Variants in XRRA1 observed in about 807,000 individuals in gnomAD.
The protein encoded by XRRA1 is X-ray radiation resistance-associated protein 1.
In XRRA1, 69 loss-of-function variants were observed where a neutral mutation model predicts 80.2. The observed-to-expected ratio is 0.86, with a 90% confidence interval of 0.71 to 1.05. XRRA1 has a LOEUF of 1.05. XRRA1 is among the 50% of genes least tolerant of loss of function. The probability of loss-of-function intolerance (pLI) is 0.00; values close to 1 mark genes in which losing one functional copy is unlikely to be tolerated. For missense variants in XRRA1, 967 were observed against 976.4 expected (o/e 0.99, Z 0.13); for synonymous variants, 348 against 389.9 (o/e 0.89, Z 1.27).
At chr11:74,844,660 G>T (rs1389326098) in intron 16 of XRRA1, among the ~76,000 whole-genome samples, 2 of 152,218 alleles carry the variant, frequency 1.3e-5, no homozygotes, top group Non-Finnish European at 2.9e-5. Flanking sequence ...ACACAGAGAT[G>T]AAGCTGCCTC....
At position 74,843,012 on chromosome 11, in the gene XRRA1, GGTCAT is replaced by G; in HGVS notation, c.*183_*187del. ...TTTATTGCCGCTGGGCCAGGCACCAGGTCATGCCTGGGCCAAGGAGGGGAGATCCT... is the reference window on the plus strand; with the variant it reads ...TTTATTGCCGCTGGGCCAGGCACCAGGCCTGGGCCAAGGAGGGGAGATCCT... On this transcript the variant is annotated 3_prime_UTR_variant, in exon 19 of 19. Transcript: ENST00000684022. 1.4e-6 allele frequency: 1 copy of G among 740,032 alleles called. No individual in the cohort carries two copies. The highest frequency in any genetic ancestry group is 2.7e-5 in the East Asian group (1 of 36,554). 45.8% of individuals were successfully genotyped at this position (740,032 alleles called of 1,614,324 possible).
At position 74,943,524 on chromosome 11, in the gene XRRA1, G is replaced by GGGGT. The variant is rs1330173160; in HGVS notation, c.-5+1493_-5+1494insACCC. ...GGAGGCGAGGGGAAGAGAGTAGGAGGGTGTGTGTGTGTGTGTGTGTGTGTG... is the reference window on the plus strand; with the variant it reads ...GGAGGCGAGGGGAAGAGAGTAGGAGGGGGTGTGTGTGTGTGTGTGTGTGTGTGTG... On this transcript the variant is annotated intron_variant, in intron 2 of 18. Coordinates refer to ENST00000684022, the MANE Select transcript of XRRA1 (RefSeq NM_001378157.1). Among the ~76,000 whole-genome samples, 422 of 137,852 alleles carry GGGGT rather than the reference G, an allele frequency of 3.1e-3. 6 individuals carry two copies. Among genetic ancestry groups the GGGGT allele is most frequent in the African/African-American group, 0.011 (403 of 37,370 alleles). The allele number at this position is 137,852 out of a possible 152,430, so 90.4% of individuals were successfully genotyped here. A position where few individuals can be genotyped will look rare whatever the true frequency, so the allele number is the denominator to read the frequency against.
At chr11:74,847,918 A>C (rs1473398559) in intron 15 of XRRA1, among the ~76,000 whole-genome samples, 197 bp downstream of exon 15, 2 of 152,206 alleles carry the variant, frequency 1.3e-5, no homozygotes, top group African/African-American at 4.8e-5. Flanking sequence ...TGTCCCTATC[A>C]GGTATCCCTA....
intron 5 of XRRA1, 118 bp downstream of exon 5, chr11:74,933,683 T>C: frequency 3.6e-6 from 3 of 837,212 alleles, no homozygotes; most frequent in Non-Finnish European, 1.9e-6. Flanking sequence ...CCCTCCTTCT[T>C]CGTGACCAGA....
chr11:74,847,273 TA>T (rs1216717047), intron 15 of XRRA1, among the ~76,000 whole-genome samples: 1 of 152,176 alleles, frequency 6.6e-6, no homozygotes, highest in Non-Finnish European at 1.5e-5. Context: ...CATGAATGGA[TA>T]GATGTACATC....
At position 74,862,961 on chromosome 11, in the gene XRRA1, ATAAAG is replaced by A. The variant is rs1474220560; in HGVS notation, c.1044+15_1044+19del. ...AATGTTCTAACTCAGGAACACAAATATAAAGTAGTCAGTTCCTACCTCTGAGGTTG... is the reference window on the plus strand; with the variant it reads ...AATGTTCTAACTCAGGAACACAAATATAGTCAGTTCCTACCTCTGAGGTTG... On this transcript the variant is annotated intron_variant, in intron 11 of 18. Transcript: ENST00000684022. 14 of 1,573,766 alleles carry A rather than the reference ATAAAG, an allele frequency of 8.9e-6. No individual in the cohort carries two copies. Among genetic ancestry groups the A allele is most frequent in the East Asian group, 6.8e-5 (3 of 44,066 alleles).
chr11:74,928,576 C>T (rs2139298054), intron 6 of XRRA1, among the ~76,000 whole-genome samples: 1 of 152,258 alleles, frequency 6.6e-6, no homozygotes, highest in South Asian at 2.1e-4. Flanking sequence ...TCATGGATGG[C>T]TTTGGGAACT....
intron 7 of XRRA1, among the ~76,000 whole-genome samples, chr11:74,926,245 G>C (rs1942205791): frequency 6.6e-6 from 1 of 152,122 alleles, no homozygotes; most frequent in South Asian, 2.1e-4. Flanking sequence ...TAGGAAGGTG[G>C]CCATCCCAAG....
chr11:74,908,556 A>G (rs1215368618), intron 8 of XRRA1, among the ~76,000 whole-genome samples: 1 of 152,256 alleles, frequency 6.6e-6, no homozygotes, highest in Non-Finnish European at 1.5e-5. Context: ...TATATTCTAA[A>G]TGAATGTATT....
chr11:74,936,515 T>C (rs561066598), intron 4 of XRRA1, among the ~76,000 whole-genome samples: 1 of 152,332 alleles, frequency 6.6e-6, no homozygotes, highest in Admixed American at 6.5e-5. Context: ...AGTTTTTACC[T>C]CATATAATGT....
intron 8 of XRRA1, chr11:74,910,891 T>C (rs1156897473): frequency 6.6e-6 from 1 of 152,326 alleles, no homozygotes; most frequent in African/African-American, 2.4e-5. Context: ...TTTGGGCTAA[T>C]GCTCAGGTTC....
At chr11:74,907,336 A>G (rs2054843586) in intron 8 of XRRA1, 63 bp from the exon 9 acceptor site, 1 of 1,596,834 alleles carries the variant, frequency 6.3e-7, no homozygotes, top group Non-Finnish European at 8.5e-7. Flanking sequence ...CATTCCCAGG[A>G]AGCCATGGAG....
intron 10 of XRRA1, among the ~76,000 whole-genome samples, chr11:74,877,237 A>G (rs2046241943): frequency 6.6e-6 from 1 of 152,234 alleles, no homozygotes. Context: ...ACAAGTCATA[A>G]AAGATAGCCC....
chr11:74,851,769 T>C (rs890270543), intron 13 of XRRA1, among the ~76,000 whole-genome samples: 9 of 152,212 alleles, frequency 5.9e-5, no homozygotes, highest in African/African-American at 2.2e-4. Flanking sequence ...TGAGCCTCAG[T>C]TTCTACCACT....
chr11:74,940,173 G>C (rs1946029590), intron 3 of XRRA1, among the ~76,000 whole-genome samples: 1 of 152,086 alleles, frequency 6.6e-6, no homozygotes, highest in African/African-American at 2.4e-5. Context: ...TCACCTATAG[G>C]GCTCTTATTA....
chr11:74,907,047 C>A, intron 9 of XRRA1, 98 bp downstream of exon 9: 1 of 1,520,616 alleles, frequency 6.6e-7, no homozygotes. Context: ...TGGAGCTAGG[C>A]TTTAAACCCA....
At chr11:74,941,527 A>G (rs1287813608) in intron 2 of XRRA1, among the ~76,000 whole-genome samples, 1 of 152,206 alleles carries the variant, frequency 6.6e-6, no homozygotes, top group Admixed American at 6.5e-5. Context: ...ATGTATGTTT[A>G]GTAGTCTTGA....
At chr11:74,928,267 G>A (rs1307923178) in intron 6 of XRRA1, among the ~76,000 whole-genome samples, 1 of 152,164 alleles carries the variant, frequency 6.6e-6, no homozygotes, top group African/African-American at 2.4e-5. Flanking sequence ...ATCACTTGCG[G>A]TAAAAATCAC....
intron 2 of XRRA1, 89 bp from the exon 3 acceptor site, chr11:74,940,971 A>C (rs1946225663): frequency 6.2e-6 from 6 of 960,642 alleles, no homozygotes; most frequent in Non-Finnish European, 8.0e-6. Flanking sequence ...TGAGCCCACC[A>C]GGACCACCAC....
Sources: gnomAD v4.1 joint callset for allele counts (sites outside exome capture counted in the v4.1 genomes callset) on GRCh38, gnomAD v4.1.1 for gene constraint, MANE v1.5 for transcripts, NCBI Gene and HGNC (gene_info 2026-07-23, HGNC 2026-07-21) for gene names.